Variants in LOXL2 observed in about 807,000 individuals in gnomAD.
The protein encoded by LOXL2 is lysyl oxidase homolog 2.
LOXL2 carries 70 observed loss-of-function variants against 93.0 expected under a neutral mutation model. The observed-to-expected ratio is 0.75, with a 90% CI of 0.62 to 0.92. LOXL2 has a LOEUF of 0.92. Among genes scored for constraint, LOXL2 ranks in the 40% least tolerant of loss-of-function variants. LOXL2 has a pLI of 0.00. For synonymous variants in LOXL2, 438 were observed against 413.2 expected, an observed-to-expected ratio of 1.06 and a Z score of -0.73; for missense variants, 973 against 1,054.9, an observed-to-expected ratio of 0.92 and a Z score of 1.08.
chr8:23,344,460 ATCTCTGTG>A (rs1563196886), intron 3 of LOXL2, among the ~76,000 whole-genome samples: 1 of 150,510 alleles, frequency 6.6e-6, no homozygotes, highest in South Asian at 2.1e-4. Flanking sequence ...TGTGGTGTGT[ATCTCTGTG>A]TCTCTGTGTG....
Position 23,322,119 on chromosome 8 carries a change from A to G in LOXL2, c.1302+11T>C, listed in dbSNP as rs1803506350. ...CAGTTACAGTCCCCTCTAGGTGTCC[A>G]GTCCCATCACCTTCTTCTGCAAGCC... On this transcript the variant is annotated intron_variant, in intron 7 of 13. Transcript: ENST00000389131. 4 of 1,613,662 alleles carry G rather than the reference A, an allele frequency of 2.5e-6. No homozygotes were observed. In the South Asian group the frequency reaches 3.3e-5, roughly 13 times the overall value.
intron 9 of LOXL2, among the ~76,000 whole-genome samples, chr8:23,316,079 G>T (rs1803397243): frequency 6.6e-6 from 1 of 152,184 alleles, no homozygotes; most frequent in African/African-American, 2.4e-5. Flanking sequence ...GCAAGGGCTA[G>T]GAGATGCTAG....
intron 3 of LOXL2, among the ~76,000 whole-genome samples, chr8:23,347,175 AC>A (rs1804004283): frequency 4.0e-5 from 1 of 24,912 alleles, no homozygotes; most frequent in African/African-American, 4.5e-4. Flanking sequence ...ACAAACACAC[AC>A]ACACACACAC....
chr8:23,332,865 TACAC>T (rs1449894214), intron 5 of LOXL2, among the ~76,000 whole-genome samples: 2 of 106,204 alleles, frequency 1.9e-5, no homozygotes, highest in Non-Finnish European at 3.6e-5. Context: ...CACACACTCA[TACAC>T]ACGCACAGAC....
rs375937963 is a variant in LOXL2, at chr8:23,303,361, G to A, written c.1917C>T (p.Asp639=). The A allele has an allele frequency of 4.6e-5, 75 of 1,613,010 alleles. No homozygotes were observed. The highest frequency in any genetic ancestry group is 5.1e-6 in the Non-Finnish European group (6 of 1,179,304). The part of the protein sequence containing the change: ...YHSMEVFTHY[D]LLNLNGTKVA... ...CCTTGGTGCCATTGAGGTTCAGCAG[G>A]TCATAGTGGGTGAACACCTCCATGC... is the stretch of plus-strand genomic sequence containing the variant. The change falls in exon 11 of 14, where the codon GAC becomes GAT. Residue 639 remains aspartate, a synonymous_variant. Coordinates refer to ENST00000389131, the MANE Select transcript of LOXL2 (RefSeq NM_002318.3).
intron 3 of LOXL2, among the ~76,000 whole-genome samples, chr8:23,355,855 C>T (rs1237674466): frequency 6.6e-6 from 1 of 151,784 alleles, no homozygotes; most frequent in African/African-American, 2.4e-5. Context: ...GCAATCTGCC[C>T]ACCTCTGCCA....
chr8:23,322,219 A>T lies in LOXL2; in HGVS notation c.1213T>A (p.Cys405Ser), dbSNP rs1489479489. 6.2e-7 allele frequency: 1 copy of T among 1,614,092 alleles called. No homozygotes were observed. ...CCCTGAGACTCGGCATTGAACTTGC[A>T]GTCTATAATGGACTTCTCATTGCCT... is the stretch of plus-strand genomic sequence containing the variant. ...CTGNEKSIID[C>S]KFNAESQGCN... Residue 405 changes from cysteine (C) to serine (S), a missense_variant, in exon 7 of 14, where the codon TGC (cysteine) becomes AGC (serine). Cys to Ser is a moderately radical substitution (Grantham distance 112, BLOSUM62 -1). Transcript: ENST00000389131.
Position 23,317,129 on chromosome 8 carries a change from A to G in LOXL2, c.1471-15T>C, listed in dbSNP as rs776384340. 3.7e-6 allele frequency: 6 copies of G among 1,613,130 alleles called. No individual in the cohort carries two copies. Among genetic ancestry groups the G allele is most frequent in the East Asian group, 4.5e-5 (2 of 44,886 alleles). ...TACCAGGTCTCCTGGAAGAACCAAC[A>G]AAACAAATGGTGGGTACATCATCTC... is the stretch of plus-strand genomic sequence containing the variant. On this transcript the variant is annotated splice_polypyrimidine_tract_variant and intron_variant, in intron 8 of 13. Coordinates refer to ENST00000389131, the MANE Select transcript of LOXL2 (RefSeq NM_002318.3).
Position 23,360,176 on chromosome 8 carries a change from T to C in LOXL2, c.445A>G (p.Lys149Glu). ...TSNGWGVTDCKHTEDVGVVCS... is the reference protein window; with the variant it reads ...TSNGWGVTDCEHTEDVGVVCS... ...ACCACACCGACATCCTCCGTGTGCTTGCAGTCAGTGACGCCCCAGCCATTG... is the reference window on the plus strand; with the variant it reads ...ACCACACCGACATCCTCCGTGTGCTCGCAGTCAGTGACGCCCCAGCCATTG... The change falls in exon 3 of 14, where the codon AAG (lysine) becomes GAG (glutamate). Residue 149 changes from lysine to glutamate, a missense_variant. Lys to Glu is a moderately conservative substitution (Grantham distance 56). Transcript: ENST00000389131. 1 of 1,614,140 alleles carries C rather than the reference T, an allele frequency of 6.2e-7. No homozygotes were observed. Among genetic ancestry groups the C allele is most frequent in the Non-Finnish European group, 8.5e-7 (1 of 1,179,954 alleles).
chr8:23,304,751 T>G (rs1803201869), intron 10 of LOXL2, among the ~76,000 whole-genome samples: 1 of 152,166 alleles, frequency 6.6e-6, no homozygotes, highest in Non-Finnish European at 1.5e-5. Context: ...TGGCAGGATT[T>G]TTATTACATC....
intron 1 of LOXL2, among the ~76,000 whole-genome samples, chr8:23,401,902 T>C (rs1800155660): frequency 1.3e-5 from 2 of 152,270 alleles, no homozygotes; most frequent in Admixed American, 6.5e-5. Flanking sequence ...TTTTCAGACC[T>C]GAGTTTCATA....
chr8:23,346,184 AT>A (rs1803980424), intron 3 of LOXL2, among the ~76,000 whole-genome samples: 1 of 110,834 alleles, frequency 9.0e-6, no homozygotes, highest in African/African-American at 4.8e-5. Context: ...AAATAAAATA[AT>A]AAAATAAAAT....
intron 4 of LOXL2, among the ~76,000 whole-genome samples, chr8:23,337,849 G>T (rs924268112): frequency 1.3e-5 from 2 of 152,168 alleles, no homozygotes; most frequent in Admixed American, 1.3e-4. Flanking sequence ...CAGAGAGCAG[G>T]CCTTGGTGAG....
chr8:23,337,802 A>G (rs1018217791), intron 4 of LOXL2, among the ~76,000 whole-genome samples: 2 of 152,174 alleles, frequency 1.3e-5, no homozygotes, highest in Non-Finnish European at 2.9e-5. Context: ...ATTGCACCCC[A>G]GCCCGGTGTG....
chr8:23,318,263 C>G (rs1285248945), intron 8 of LOXL2, among the ~76,000 whole-genome samples: 6 of 152,072 alleles, frequency 3.9e-5, no homozygotes, highest in Non-Finnish European at 1.5e-5. Flanking sequence ...GCTGCAACAT[C>G]AATGCTTCCA....
At chr8:23,360,729 C>A (rs1443496932) in intron 2 of LOXL2, among the ~76,000 whole-genome samples, 2 of 152,064 alleles carry the variant, frequency 1.3e-5, no homozygotes, top group African/African-American at 4.8e-5. Context: ...GTCACAGTTA[C>A]TAAAAATAGT....
intron 1 of LOXL2, among the ~76,000 whole-genome samples, chr8:23,391,730 G>C (rs1804847095): frequency 6.6e-6 from 1 of 152,220 alleles, no homozygotes; most frequent in South Asian, 2.1e-4. Flanking sequence ...AGGGATTATA[G>C]GGATGGGGCC....
At chr8:23,317,233 G>A (rs1051062398) in intron 8 of LOXL2, 119 bp from the exon 9 acceptor site, 32 of 1,144,760 alleles carry the variant, frequency 2.8e-5, no homozygotes, top group African/African-American at 2.1e-4. Flanking sequence ...TTTTCAGATC[G>A]AAACAGCACG....
chr8:23,302,008 C>CCCTT lies in LOXL2; in HGVS notation c.2133+15_2133+18dup. ...CCTCCTCCCCCTGCAGGGCTGGAAC[C>CCCTT]CCTTCCCACCCACCTCACCTGGAAC... is the stretch of plus-strand genomic sequence containing the variant. On this transcript the variant is annotated intron_variant, in intron 12 of 13. Transcript: ENST00000389131. The CCCTT allele has an allele frequency of 6.2e-7, 1 of 1,613,788 alleles. No individual in the cohort carries two copies. The highest frequency in any genetic ancestry group is 8.5e-7 in the Non-Finnish European group (1 of 1,179,740).
Sources: gnomAD v4.1 joint callset for allele counts (sites outside exome capture counted in the v4.1 genomes callset) on GRCh38, gnomAD v4.1.1 for gene constraint, MANE v1.5 for transcripts, NCBI Gene and HGNC (gene_info 2026-07-23, HGNC 2026-07-21) for gene names.